The following FAM110D variants were observed in gnomAD, a reference collection of about 807,000 sequenced individuals.
FAM110D encodes the protein protein FAM110D.
For missense variants in FAM110D, 376 were observed against 395.6 expected (o/e 0.95, Z 0.42); for synonymous variants, 174 against 189.4 (o/e 0.92, Z 0.67).
intron 1 of FAM110D, among the ~76,000 whole-genome samples, chr1:26,159,977 T>C (rs745402270): frequency 5.3e-5 from 8 of 152,082 alleles, no homozygotes; most frequent in Non-Finnish European, 1.0e-4. Context: ...CGCAGGTTAT[T>C]AGGAAGAATT....
At position 26,161,422 on chromosome 1, in the gene FAM110D, G is replaced by C; in HGVS notation, c.131G>C (p.Arg44Pro). Reference protein sequence around the residue: ...VIARRQEPALRGSPGPLTPHP... With the variant: ...VIARRQEPALPGSPGPLTPHP... ...GCTAGGCGACAGGAGCCAGCCCTGC[G>C]TGGGAGTCCTGGGCCGCTCACGCCG... is the stretch of plus-strand genomic sequence containing the variant. The change falls in exon 2 of 2, where the codon CGT becomes CCT. Residue 44 changes from arginine (R) to proline (P), a missense_variant. By Grantham distance (103) the Arg-to-Pro change is moderately radical (BLOSUM62 -2). Coordinates refer to ENST00000374268, the MANE Select transcript of FAM110D (RefSeq NM_024869.3). The surrounding 1 kb of genome is among the most constrained non-coding windows in gnomAD (Gnocchi z 5.4). The C allele has an allele frequency of 6.3e-7, 1 of 1,593,666 alleles. No homozygotes were observed. Among genetic ancestry groups the C allele is most frequent in the Non-Finnish European group, 8.5e-7 (1 of 1,170,498 alleles).
intron 1 of FAM110D, among the ~76,000 whole-genome samples, chr1:26,159,483 G>A (rs1002800207): frequency 6.6e-6 from 1 of 151,926 alleles, no homozygotes; most frequent in Non-Finnish European, 1.5e-5. Flanking sequence ...CACCCATGGG[G>A]TCAGACAAGC....
chr1:26,160,029 A>G (rs2088346977), intron 1 of FAM110D, among the ~76,000 whole-genome samples: 1 of 151,936 alleles, frequency 6.6e-6, no homozygotes, highest in East Asian at 1.9e-4. Context: ...CCCATTTCTA[A>G]CGGAAATTGC....
intron 1 of FAM110D, among the ~76,000 whole-genome samples, chr1:26,160,197 G>A (rs981072318): frequency 1.3e-5 from 2 of 151,490 alleles, no homozygotes; most frequent in East Asian, 1.9e-4. Context: ...AGCTTCAAGC[G>A]ATTCTCCTGC....
Position 26,162,092 on chromosome 1 carries a change from C to A in FAM110D, c.801C>A (p.Arg267=). 1 of 1,271,180 alleles carries A rather than the reference C, an allele frequency of 7.9e-7. No individual in the cohort carries two copies. The highest frequency in any genetic ancestry group is 9.9e-7 in the Non-Finnish European group (1 of 1,009,478). 78.7% of individuals were successfully genotyped at this position (1,271,180 alleles called of 1,614,324 possible). A position where few individuals can be genotyped will look rare whatever the true frequency, so the allele number is the denominator to read the frequency against. Residue 267 remains arginine, a synonymous_variant, in exon 2 of 2, where the codon CGC becomes CGA. Coordinates refer to ENST00000374268, the MANE Select transcript of FAM110D (RefSeq NM_024869.3). This position sits in a 1 kb window ranked among gnomAD's most constrained non-coding sequence, Gnocchi z 5.3. ...GCCAGCGCGCCCGCGGACCGCCGCG[C>A]GAGTCCGAGGTGTGACCGCCGCGGC... ...YGCQRARGPP[R]ESEV
chr1:26,161,236 C>A lies in FAM110D; in HGVS notation c.-56C>A. On this transcript the variant is annotated 5_prime_UTR_variant, in exon 2 of 2. An upstream open reading frame in the 5' UTR gains an earlier in-frame stop. Transcript: ENST00000374268. The surrounding 1 kb of genome is among the most constrained non-coding windows in gnomAD (Gnocchi z 5.4). ...GGTCAGTGAGAGCCCAAGCCAATTGCTCTAGGCCCCGTGGCTGGCTACTTA... is the reference window on the plus strand; with the variant it reads ...GGTCAGTGAGAGCCCAAGCCAATTGATCTAGGCCCCGTGGCTGGCTACTTA... 6.9e-7 allele frequency: 1 copy of A among 1,459,634 alleles called. No individual in the cohort carries two copies. The highest frequency in any genetic ancestry group is 9.1e-7 in the Non-Finnish European group (1 of 1,097,548). The allele number at this position is 1,459,634 out of a possible 1,614,324, so 90.4% of individuals were successfully genotyped here.
At chr1:26,159,504 T>A (rs1304651344) in intron 1 of FAM110D, among the ~76,000 whole-genome samples, 1 of 151,768 alleles carries the variant, frequency 6.6e-6, no homozygotes, top group Non-Finnish European at 1.5e-5. Flanking sequence ...AGTGCCTTCC[T>A]GGGACCTTGG....
In FAM110D at chr1:26,161,307, C is replaced by T; in HGVS notation, c.16C>T (p.Pro6Ser). 1.3e-6 allele frequency: 2 copies of T among 1,581,220 alleles called. No homozygotes were observed. Among genetic ancestry groups the T allele is most frequent in the Non-Finnish European group, 1.7e-6 (2 of 1,164,092 alleles). The change falls in exon 2 of 2, where the codon CCC becomes TCC. Residue 6 changes from proline to serine, a missense_variant. Transcript: ENST00000374268. This position sits in a 1 kb window ranked among gnomAD's most constrained non-coding sequence, Gnocchi z 5.4. ...CTCTGCTAAGATGCTCCTGGCCCCT[C>T]CCTCCACCCCGTCCAGAGGACGGAC... MLLAP[P>S]STPSRGRTPS...
At position 26,160,510 on chromosome 1, in the gene FAM110D, G is replaced by A. The variant is rs184968917; in HGVS notation, c.-80-702G>A. Among the ~76,000 whole-genome samples, 26 of 152,108 alleles carry A rather than the reference G, an allele frequency of 1.7e-4. No individual in the cohort carries two copies. In the East Asian group the frequency reaches 4.8e-3, roughly 28 times the overall value. The stretch of plus-strand genomic sequence containing the variant: ...AAAAAAAAAAGAAACCTGGGTTCCA[G>A]TCCTGGCTCCTAACTCTCAATAGGA... On this transcript the variant is annotated intron_variant, in intron 1 of 1. Transcript: ENST00000374268.
rs991132483 is a variant in FAM110D, at chr1:26,161,963, G to GGGC, written c.685_687dup (p.Gly229dup). 33 of 1,245,064 alleles carry GGGC rather than the reference G, an allele frequency of 2.7e-5. No homozygotes were observed. The highest frequency in any genetic ancestry group is 2.9e-4 in the Middle Eastern group (1 of 3,402). The allele number at this position is 1,245,064 out of a possible 1,614,324, so 77.1% of individuals were successfully genotyped here. A position where few individuals can be genotyped will look rare whatever the true frequency, so the allele number is the denominator to read the frequency against. On this transcript the variant is annotated inframe_insertion, in exon 2 of 2. Transcript: ENST00000374268. This position sits in a 1 kb window ranked among gnomAD's most constrained non-coding sequence, Gnocchi z 5.4. ...GGGGCGTGGACAGCCCGGGCGGCGC[G>GGGC]GGCGGCGGCGGCGGCTCGGAGGCAG...
In FAM110D at chr1:26,161,633, T is replaced by C; in HGVS notation, c.342T>C (p.Gly114=). 6.4e-7 allele frequency: 1 copy of C among 1,551,634 alleles called. No homozygotes were observed. ...GQGLVRRLFL[G]APRDAAPSSP... The stretch of plus-strand genomic sequence containing the variant: ...GTCTGGTGCGGCGCCTCTTTCTGGG[T>C]GCCCCGCGGGACGCTGCCCCGAGCA... Residue 114 remains glycine (G), a synonymous_variant, in exon 2 of 2, where the codon GGT becomes GGC. Coordinates refer to ENST00000374268, the MANE Select transcript of FAM110D (RefSeq NM_024869.3). The surrounding 1 kb of genome is among the most constrained non-coding windows in gnomAD (Gnocchi z 5.4).
rs1324634535 is a variant in FAM110D at position 26,161,662 on chromosome 1, C to G, written c.371C>G (p.Pro124Arg). ...CCGCGGGACGCTGCCCCGAGCAGCCCGGCCTCCACAGAGCGACCTGCGGCT... is the reference window on the plus strand; with the variant it reads ...CCGCGGGACGCTGCCCCGAGCAGCCGGGCCTCCACAGAGCGACCTGCGGCT... Reference protein sequence around the residue: ...GAPRDAAPSSPASTERPAASG... With the variant: ...GAPRDAAPSSRASTERPAASG... The change falls in exon 2 of 2, where the codon CCG (proline) becomes CGG (arginine). Residue 124 changes from proline to arginine, a missense_variant. Physicochemically the swap from Pro to Arg is moderately radical, Grantham distance 103 (BLOSUM62 -2). Transcript: ENST00000374268. This position sits in a 1 kb window ranked among gnomAD's most constrained non-coding sequence, Gnocchi z 5.4. The G allele has an allele frequency of 6.4e-7, 1 of 1,552,422 alleles. No homozygotes were observed. The highest frequency in any genetic ancestry group is 8.7e-7 in the Non-Finnish European group (1 of 1,148,410).
chr1:26,159,761 A>AG (rs2088343890), intron 1 of FAM110D, among the ~76,000 whole-genome samples: 1 of 151,828 alleles, frequency 6.6e-6, no homozygotes, highest in Non-Finnish European at 1.5e-5. Context: ...TCCAGGACTC[A>AG]GGGGGAGTAG....
chr1:26,161,370 A>T lies in FAM110D; in HGVS notation c.79A>T (p.Lys27Ter). The T allele has an allele frequency of 6.3e-7, 1 of 1,597,896 alleles. No individual in the cohort carries two copies. Among genetic ancestry groups the T allele is most frequent in the Non-Finnish European group, 8.5e-7 (1 of 1,172,758 alleles). Residue 27 changes from lysine to a stop codon, truncating the protein, a stop_gained, in exon 2 of 2, where the codon AAG (lysine) becomes TAG (stop). Transcript: ENST00000374268. LOFTEE classifies it low-confidence loss of function (END_TRUNC). The surrounding 1 kb of genome is among the most constrained non-coding windows in gnomAD (Gnocchi z 5.4). ...AVERLEADKAKYVKTHQVIAR... is the reference protein window; with the variant it reads ...AVERLEADKA ...GGAGAGGCTGGAAGCCGACAAAGCC[A>T]AGTATGTCAAGACGCACCAGGTGAT...
Position 26,163,067 on chromosome 1 carries a change from T to C in FAM110D, c.*960T>C, listed in dbSNP as rs1569853619. 6.6e-6 allele frequency: 1 copy of C among 151,472 alleles called. No individual in the cohort carries two copies. Among genetic ancestry groups the C allele is most frequent in the Non-Finnish European group, 1.5e-5 (1 of 67,954 alleles). 9.4% of individuals were successfully genotyped at this position (151,472 alleles called of 1,614,324 possible). On this transcript the variant is annotated 3_prime_UTR_variant, in exon 2 of 2. Coordinates refer to ENST00000374268, the MANE Select transcript of FAM110D (RefSeq NM_024869.3). ...ATCGCTTGAATCCCAGAGGCGGAGG[T>C]TGCAGTGAGCCGAGATCGAGCCATT...
At chr1:26,159,784 G>C (rs1043791746) in intron 1 of FAM110D, among the ~76,000 whole-genome samples, 2 of 152,046 alleles carry the variant, frequency 1.3e-5, no homozygotes, top group African/African-American at 4.8e-5. Flanking sequence ...GAAGATAGGG[G>C]TGGGGTCGGG....
Position 26,159,140 on chromosome 1 carries a change from G to A in FAM110D, c.-81+14G>A, listed in dbSNP as rs1362180023. ...TCCCATGCAGAGGTGAGTGTACCCT[G>A]AGCCCAGGGCTGGGGTAAGAAGGAA... On this transcript the variant is annotated intron_variant, in intron 1 of 1. Coordinates refer to ENST00000374268, the MANE Select transcript of FAM110D (RefSeq NM_024869.3). 6.6e-6 allele frequency: 1 copy of A among 152,344 alleles called. No individual in the cohort carries two copies. The highest frequency in any genetic ancestry group is 1.5e-5 in the Non-Finnish European group (1 of 68,164). The allele number at this position is 152,344 out of a possible 1,614,324, so 9.4% of individuals were successfully genotyped here.
At position 26,162,273 on chromosome 1, in the gene FAM110D, T is replaced by TC. The variant is rs2088378070; in HGVS notation, c.*169dup. 2 of 427,968 alleles carry TC rather than the reference T, an allele frequency of 4.7e-6. No homozygotes were observed. Among genetic ancestry groups the TC allele is most frequent in the Non-Finnish European group, 8.1e-6 (2 of 248,372 alleles). 26.5% of individuals were successfully genotyped at this position (427,968 alleles called of 1,614,324 possible). ...GTTGCTGCCGAAGGCCCTTCCCTGC[T>TC]CCCGCGGCGAAGGGGGAGGGAGAGG... On this transcript the variant is annotated 3_prime_UTR_variant, in exon 2 of 2. Coordinates refer to ENST00000374268, the MANE Select transcript of FAM110D (RefSeq NM_024869.3). This position sits in a 1 kb window ranked among gnomAD's most constrained non-coding sequence, Gnocchi z 5.3.
Position 26,162,067 on chromosome 1 carries a change from GC to G in FAM110D, c.778del (p.Gln260SerfsTer95). 7.9e-7 allele frequency: 1 copy of G among 1,271,466 alleles called. No individual in the cohort carries two copies. The highest frequency in any genetic ancestry group is 9.9e-7 in the Non-Finnish European group (1 of 1,009,932). 78.8% of individuals were successfully genotyped at this position (1,271,466 alleles called of 1,614,324 possible). ...CGCGTCATCCAGTGGCTGTACGGCT[GC>G]CAGCGCGCCCGCGGACCGCCGCGCG... ...NARVIQWLYG[C>X]QRARGPPRES... is the part of the protein sequence containing the mutation. On this transcript the variant is annotated frameshift_variant, in exon 2 of 2. Coordinates refer to ENST00000374268, the MANE Select transcript of FAM110D (RefSeq NM_024869.3). LOFTEE classifies it high-confidence loss of function. The surrounding 1 kb of genome is among the most constrained non-coding windows in gnomAD (Gnocchi z 5.3).
Sources: allele counts gnomAD v4.1 joint callset (sites outside exome capture counted in the v4.1 genomes callset), GRCh38; gene constraint gnomAD v4.1.1; non-coding constraint Gnocchi (gnomAD v3.1); transcripts MANE v1.5; gene names NCBI Gene and HGNC (gene_info 2026-07-23, HGNC 2026-07-21).